Variants in MVK observed in about 807,000 individuals in gnomAD.
MVK encodes the protein mevalonate kinase, also known as LH receptor mRNA-binding protein.
In MVK, 34 loss-of-function variants were observed where a neutral mutation model predicts 43.2. That is an observed-to-expected ratio of 0.79 (90% CI 0.60 to 1.05). The LOEUF is 1.05. Ranked by LOEUF, MVK falls within the 50% of genes least tolerant of loss-of-function variation. The pLI, the probability that MVK is intolerant of heterozygous loss-of-function variation, is 0.00. For synonymous variants in MVK, 190 were observed against 219.8 expected (o/e 0.86, Z 1.20); for missense variants, 395 against 504.0 (o/e 0.78, Z 2.07).
intron 6 of MVK, among the ~76,000 whole-genome samples, 157 bp downstream of exon 6, chr12:109,586,282 T>C (rs147530749): frequency 4.3e-4 from 65 of 152,322 alleles, no homozygotes; most frequent in Admixed American, 7.2e-4. Context: ...GGGAGAAATC[T>C]TGGGGCCCTG....
At chr12:109,594,904 G>T in intron 9 of MVK, 124 bp from the exon 10 acceptor site, 1 of 1,182,804 alleles carries the variant, frequency 8.5e-7, no homozygotes, top group Non-Finnish European at 1.2e-6. Context: ...AGGGTGCCAG[G>T]TAGGCAAAGC....
chr12:109,589,429 C>G (rs1885578423), intron 7 of MVK: 1 of 152,076 alleles, frequency 6.6e-6, no homozygotes, highest in Non-Finnish European at 1.5e-5. Context: ...TAAGGAGCTT[C>G]CCCCCACCAA....
chr12:109,577,988 A>T (rs549609433), intron 3 of MVK, among the ~76,000 whole-genome samples: 67 of 152,162 alleles, frequency 4.4e-4, no homozygotes, highest in Non-Finnish European at 7.5e-4. Context: ...GTATGGGGGA[A>T]CATGTCTCAG....
chr12:109,575,912 TTA>T, intron 2 of MVK, 84 bp from the exon 3 acceptor site: 2 of 1,528,180 alleles, frequency 1.3e-6, no homozygotes, highest in Non-Finnish European at 1.8e-6. Flanking sequence ...GCCTCTGTGC[TTA>T]TGTTTGCTCT....
chr12:109,573,592 G>A (rs1370480273), upstream of MVK: 6 of 1,297,038 alleles, frequency 4.6e-6, no homozygotes, highest in Non-Finnish European at 6.4e-6. Flanking sequence ...TTATTGGTTC[G>A]CAGTTCTCAC....
At chr12:109,592,749 C>G in intron 9 of MVK, among the ~76,000 whole-genome samples, 1 of 152,192 alleles carries the variant, frequency 6.6e-6, no homozygotes, top group Non-Finnish European at 1.5e-5. Context: ...TGGTCTGTCC[C>G]TTTATTCAAC....
chr12:109,573,514 A>C, upstream of MVK: 2 of 1,579,532 alleles, frequency 1.3e-6, no homozygotes, highest in Non-Finnish European at 1.7e-6. Flanking sequence ...TGACCCCGCC[A>C]GGTTCCCGTC....
chr12:109,577,263 G>A (rs1885000449), intron 3 of MVK, among the ~76,000 whole-genome samples: 2 of 152,194 alleles, frequency 1.3e-5, no homozygotes, highest in East Asian at 1.9e-4. Flanking sequence ...GAGCTGACGT[G>A]TGTTTTCTCT....
intron 2 of MVK, 36 bp downstream of exon 2, chr12:109,574,936 C>T: frequency 6.4e-7 from 1 of 1,572,156 alleles, no homozygotes; most frequent in Non-Finnish European, 8.7e-7. Context: ...GATTGGGTAC[C>T]CCTTCTCCCT....
intron 5 of MVK, among the ~76,000 whole-genome samples, chr12:109,584,523 A>T (rs1885355665): frequency 6.6e-6 from 1 of 152,200 alleles, no homozygotes; most frequent in Non-Finnish European, 1.5e-5. Context: ...TATGGATGAG[A>T]AAACAGGGTT....
chr12:109,594,203 C>G (rs982429145), intron 9 of MVK, among the ~76,000 whole-genome samples: 1 of 152,178 alleles, frequency 6.6e-6, no homozygotes, highest in Non-Finnish European at 1.5e-5. Flanking sequence ...ATCCTTAGAG[C>G]CCCAGCACGT....
In MVK at chr12:109,574,839, T is replaced by A; in HGVS notation, c.17T>A (p.Leu6Gln). The A allele has an allele frequency of 6.2e-7, 1 of 1,607,384 alleles. No homozygotes were observed. The highest frequency in any genetic ancestry group is 1.1e-5 in the South Asian group (1 of 89,432). Residue 6 changes from leucine (L) to glutamine (Q), a missense_variant, in exon 2 of 11, where the codon CTA becomes CAA. By Grantham distance (113) the Leu-to-Gln change is moderately radical. Transcript: ENST00000228510. ...CCAGGAGCCATGTTGTCAGAAGTCC[T>A]ACTGGTGTCTGCTCCGGGGAAAGTC... MLSEVLLVSAPGKVIL... is the reference protein window; with the variant it reads MLSEVQLVSAPGKVIL...
intron 9 of MVK, among the ~76,000 whole-genome samples, chr12:109,593,373 A>T (rs1315383960): frequency 2.0e-5 from 3 of 152,238 alleles, no homozygotes; most frequent in African/African-American, 7.2e-5. Flanking sequence ...CGGGAGAGCT[A>T]GGTGGGCCTC....
rs72648039 is a variant in MVK, at chr12:109,593,992, A to G, written c.886-1036A>G. On this transcript the variant is annotated intron_variant, in intron 9 of 10. Coordinates refer to ENST00000228510, the MANE Select transcript of MVK (RefSeq NM_000431.4). ...CTCGACCTCCCAAAGTGCTGGGATTAAAGACGTGAGCCACCACACCCTGCT... is the reference window on the plus strand; with the variant it reads ...CTCGACCTCCCAAAGTGCTGGGATTGAAGACGTGAGCCACCACACCCTGCT... Among the ~76,000 whole-genome samples, 177 of 152,006 alleles carry G rather than the reference A, an allele frequency of 1.2e-3. 1 individual carries two copies. Among genetic ancestry groups the G allele is most frequent in the Non-Finnish European group, 3.2e-4 (22 of 67,990 alleles).
chr12:109,590,671 C>T, intron 7 of MVK, 100 bp from the exon 8 acceptor site: 2 of 1,044,148 alleles, frequency 1.9e-6, no homozygotes, highest in South Asian at 1.3e-5. Context: ...CTCCCTTCTT[C>T]CTCCGTATCA....
At position 109,586,814 on chromosome 12, in the gene MVK, G is replaced by T; in HGVS notation, c.677+15G>T. ...TCCTTAAAGAGGTAACCTGGGGGTG[G>T]AGCAGCACATTCAGCCATGGCTGCA... On this transcript the variant is annotated intron_variant, in intron 7 of 10. Coordinates refer to ENST00000228510, the MANE Select transcript of MVK (RefSeq NM_000431.4). 1 of 1,613,976 alleles carries T rather than the reference G, an allele frequency of 6.2e-7. No individual in the cohort carries two copies. The highest frequency in any genetic ancestry group is 1.7e-5 in the Admixed American group (1 of 60,020).
At chr12:109,594,062 C>G (rs748909179) in intron 9 of MVK, among the ~76,000 whole-genome samples, 1 of 151,790 alleles carries the variant, frequency 6.6e-6, no homozygotes, top group African/African-American at 2.4e-5. Context: ...AGGAGACAGA[C>G]CCAGTGCAGA....
chr12:109,590,755 C>G lies in MVK; in HGVS notation c.678-16C>G, dbSNP rs368844823. On this transcript the variant is annotated splice_polypyrimidine_tract_variant and intron_variant, in intron 7 of 10. Transcript: ENST00000228510. ...TCTTGAGTTCAGTGTGGACCTGCCTCCTCTTCACCCTGCAGGTCGCCAGCT... is the reference window on the plus strand; with the variant it reads ...TCTTGAGTTCAGTGTGGACCTGCCTGCTCTTCACCCTGCAGGTCGCCAGCT... The G allele has an allele frequency of 3.1e-6, 5 of 1,612,242 alleles. No individual in the cohort carries two copies. In the Admixed American group the frequency reaches 5.0e-5, roughly 16 times the overall value.
intron 2 of MVK, among the ~76,000 whole-genome samples, 167 bp from the exon 3 acceptor site, chr12:109,575,831 T>A (rs937396397): frequency 3.3e-5 from 5 of 152,236 alleles, no homozygotes; most frequent in Admixed American, 1.3e-4. Flanking sequence ...CGATGGTGGC[T>A]GTTCCCAGGC....
Sources: gnomAD v4.1 joint callset for allele counts (sites outside exome capture counted in the v4.1 genomes callset) on GRCh38, gnomAD v4.1.1 for gene constraint, MANE v1.5 for transcripts, NCBI Gene and HGNC (gene_info 2026-07-23, HGNC 2026-07-21) for gene names.